Variants in ANGPT1 observed in about 807,000 individuals in gnomAD.
ANGPT1 encodes angiopoietin 1.
In ANGPT1, 17 loss-of-function variants were observed where a neutral mutation model predicts 62.2. The observed-to-expected ratio is 0.27, with a 90% confidence interval of 0.19 to 0.41. The LOEUF (loss-of-function observed/expected upper bound fraction) is 0.41, where lower values mean the gene tolerates loss of function less well. Ranked by LOEUF, ANGPT1 falls within the 10% of genes least tolerant of loss-of-function variation. The probability of loss-of-function intolerance (pLI) is 1.00; values close to 1 mark genes in which losing one functional copy is unlikely to be tolerated. For missense variants in ANGPT1, 478 were observed against 594.9 expected, an observed-to-expected ratio of 0.80 and a Z score of 2.04; for synonymous variants, 199 against 198.9, an observed-to-expected ratio of 1.00 and a Z score of 0.00.
At chr8:107,264,030 G>A (rs1215899580) in intron 8 of ANGPT1, among the ~76,000 whole-genome samples, 191 bp downstream of exon 8, 1 of 152,080 alleles carries the variant, frequency 6.6e-6, no homozygotes, top group Non-Finnish European at 1.5e-5. Flanking sequence ...GGGGGAGGAC[G>A]CAAACCTCTA....
chr8:107,484,659 G>A (rs937067616), intron 1 of ANGPT1, among the ~76,000 whole-genome samples: 2 of 152,102 alleles, frequency 1.3e-5, no homozygotes, highest in African/African-American at 4.8e-5. Context: ...ACCAGTCTTG[G>A]CCTCCGAAAG....
intron 1 of ANGPT1, among the ~76,000 whole-genome samples, chr8:107,375,611 A>G (rs566524083): frequency 6.6e-6 from 1 of 152,284 alleles, no homozygotes; most frequent in East Asian, 1.9e-4. Context: ...TTGAGCACAC[A>G]TGAGTGAAGG....
In ANGPT1 at chr8:107,369,390, C is replaced by T. The variant is rs560599988; in HGVS notation, c.298-22293G>A. Among the ~76,000 whole-genome samples, 5 of 152,244 alleles carry T rather than the reference C, an allele frequency of 3.3e-5. No homozygotes were observed. The East Asian group carries it at 9.7e-4, about 29-fold the overall frequency. On this transcript the variant is annotated intron_variant, in intron 1 of 8. Transcript: ENST00000517746. ...TGGCTGGTTTGATAGTCTATCCAAA[C>T]TACTAAAACTTTCTTCATATTAGTA...
At chr8:107,496,736 AC>A (rs1029777787) in intron 1 of ANGPT1, among the ~76,000 whole-genome samples, 1 of 150,204 alleles carries the variant, frequency 6.7e-6, no homozygotes, top group African/African-American at 2.4e-5. Flanking sequence ...AGTTCCCTTT[AC>A]ATAAATATAC....
At chr8:107,385,056 A>G (rs1046363935) in intron 1 of ANGPT1, among the ~76,000 whole-genome samples, 34 of 151,984 alleles carry the variant, frequency 2.2e-4, no homozygotes, top group African/African-American at 8.0e-4. Context: ...GTGTGAAATC[A>G]CCAGCTTTGT....
chr8:107,451,316 GAC>G lies in ANGPT1; in HGVS notation c.297+45944_297+45945del, dbSNP rs138970014. Among the ~76,000 whole-genome samples, 239 of 149,052 alleles carry G rather than the reference GAC, an allele frequency of 1.6e-3. 1 individual carries two copies. The East Asian group carries it at 0.024, about 15-fold the overall frequency. On this transcript the variant is annotated intron_variant, in intron 1 of 8. Coordinates refer to ENST00000517746, the MANE Select transcript of ANGPT1 (RefSeq NM_001146.5). ...CTTATACACTAATACATACATAACA[GAC>G]ACACACACACACACACACACACGTG... is the stretch of plus-strand genomic sequence containing the variant.
chr8:107,428,966 T>C (rs1224578194), intron 1 of ANGPT1, among the ~76,000 whole-genome samples: 4 of 152,194 alleles, frequency 2.6e-5, no homozygotes, highest in African/African-American at 4.8e-5. Context: ...CCAAATACAC[T>C]AGGAACAATT....
chr8:107,475,538 T>A (rs1812495856), intron 1 of ANGPT1, among the ~76,000 whole-genome samples: 1 of 152,198 alleles, frequency 6.6e-6, no homozygotes, highest in Admixed American at 6.5e-5. Context: ...AAGGACTTCA[T>A]GTCTAAAACA....
intron 2 of ANGPT1, among the ~76,000 whole-genome samples, chr8:107,337,310 C>A (rs2130124614): frequency 6.6e-6 from 1 of 152,296 alleles, no homozygotes; most frequent in Admixed American, 6.5e-5. Context: ...ACAGATTGTT[C>A]TCATCCTTTC....
chr8:107,474,565 G>A (rs1168711190), intron 1 of ANGPT1, among the ~76,000 whole-genome samples: 54 of 152,272 alleles, frequency 3.5e-4, no homozygotes. Flanking sequence ...ATCCAACATA[G>A]TGTTGGAAGT....
Position 107,259,749 on chromosome 8 carries a change from T to C in ANGPT1, c.1336+4472A>G, listed in dbSNP as rs372178177. Among the ~76,000 whole-genome samples the C allele has an allele frequency of 9.2e-5, 14 of 152,212 alleles. No homozygotes were observed. In the South Asian group the frequency reaches 2.9e-3, roughly 32 times the overall value. ...TCTTTAATTATAACATTAATAATTTTAGTTAACTGTAGCTTAAGCAAACTT... is the reference window on the plus strand; with the variant it reads ...TCTTTAATTATAACATTAATAATTTCAGTTAACTGTAGCTTAAGCAAACTT... On this transcript the variant is annotated intron_variant, in intron 8 of 8. Coordinates refer to ENST00000517746, the MANE Select transcript of ANGPT1 (RefSeq NM_001146.5).
At chr8:107,392,463 A>G (rs1303888005) in intron 1 of ANGPT1, among the ~76,000 whole-genome samples, 3 of 152,148 alleles carry the variant, frequency 2.0e-5, no homozygotes, top group Non-Finnish European at 2.9e-5. Flanking sequence ...CCTGCTTATT[A>G]TCATCCATTG....
intron 7 of ANGPT1, among the ~76,000 whole-genome samples, chr8:107,270,520 T>C (rs1563543165): frequency 6.6e-6 from 1 of 152,048 alleles, no homozygotes; most frequent in South Asian, 2.1e-4. Flanking sequence ...TTCTAGTTGC[T>C]GCTTCTGGGC....
At chr8:107,290,634 T>TA (rs1201411328) in intron 6 of ANGPT1, among the ~76,000 whole-genome samples, 1 of 152,232 alleles carries the variant, frequency 6.6e-6, no homozygotes, top group Non-Finnish European at 1.5e-5. Context: ...TATTTTCAAT[T>TA]AAAAAAATTC....
At chr8:107,374,888 G>A (rs1387391781) in intron 1 of ANGPT1, among the ~76,000 whole-genome samples, 1 of 152,184 alleles carries the variant, frequency 6.6e-6, no homozygotes, top group East Asian at 1.9e-4. Flanking sequence ...CTGGCCAGGC[G>A]CGGTGGCTCA....
chr8:107,347,597 G>A (rs772975751), intron 1 of ANGPT1, among the ~76,000 whole-genome samples: 2 of 152,032 alleles, frequency 1.3e-5, no homozygotes, highest in African/African-American at 2.4e-5. Context: ...TTCCATTTTT[G>A]TAACGATAAA....
At position 107,321,994 on chromosome 8, in the gene ANGPT1, A is replaced by G. The variant is rs764173987; in HGVS notation, c.710T>C (p.Leu237Ser). 3 of 1,613,948 alleles carry G rather than the reference A, an allele frequency of 1.9e-6. No individual in the cohort carries two copies. Among genetic ancestry groups the G allele is most frequent in the Non-Finnish European group, 2.5e-6 (3 of 1,179,900 alleles). ...TYIIQELEKQ[L>S]NRATTNNSVL... Reference sequence around the variant, plus strand: ...ACTGTTGTTGGTGGTAGCTCTGTTTAATTGCTTTTCCAGCTCCTGGATTAT... The same window carrying G: ...ACTGTTGTTGGTGGTAGCTCTGTTTGATTGCTTTTCCAGCTCCTGGATTAT... The change falls in exon 4 of 9, where the codon TTA becomes TCA. Residue 237 changes from leucine (L) to serine (S), a missense_variant. Physicochemically the swap from Leu to Ser is moderately radical, Grantham distance 145. This residue lies in a region of ANGPT1 where 343 missense variants were observed against 355.4 expected (regional missense o/e 0.97). Transcript: ENST00000517746.
intron 1 of ANGPT1, among the ~76,000 whole-genome samples, chr8:107,419,539 T>A (rs773384288): frequency 1.6e-4 from 25 of 152,208 alleles, no homozygotes; most frequent in Non-Finnish European, 3.2e-4. Flanking sequence ...TGCTTACTTG[T>A]TTCTTTGGGT....
At chr8:107,325,485 A>G (rs1340129921) in intron 3 of ANGPT1, among the ~76,000 whole-genome samples, 1 of 152,226 alleles carries the variant, frequency 6.6e-6, no homozygotes, top group African/African-American at 2.4e-5. Flanking sequence ...TTATAGTCAT[A>G]TAATACTGGA....
Sources: allele counts gnomAD v4.1 joint callset (sites outside exome capture counted in the v4.1 genomes callset), GRCh38; gene constraint gnomAD v4.1.1; regional missense constraint gnomAD v4.1.1; transcripts MANE v1.5; gene names NCBI Gene and HGNC (gene_info 2026-07-23, HGNC 2026-07-21).